The following OSBPL3 variants were observed in gnomAD, a reference collection of about 807,000 sequenced individuals.
The protein encoded by OSBPL3 is oxysterol-binding protein-related protein 3.
In OSBPL3, 65 loss-of-function variants were observed where a neutral mutation model predicts 120.1. The ratio of observed to expected loss-of-function variants is 0.54; its 90% CI spans 0.44 to 0.67. The LOEUF (loss-of-function observed/expected upper bound fraction) is 0.67. Among genes scored for constraint, OSBPL3 ranks in the 30% least tolerant of loss-of-function variants. The probability of loss-of-function intolerance (pLI) is 0.00; values close to 1 mark genes in which losing one functional copy is unlikely to be tolerated. For missense variants in OSBPL3, 1,004 were observed against 1,082.1 expected, an observed-to-expected ratio of 0.93 and a Z score of 1.01; for synonymous variants, 416 against 402.6, an observed-to-expected ratio of 1.03 and a Z score of -0.40.
At position 24,797,098 on chromosome 7, in the gene OSBPL3, T is replaced by C. The variant is rs915023416; in HGVS notation, c.*3085A>G. The C allele has an allele frequency of 2.6e-5, 4 of 152,214 alleles. No homozygotes were observed. Among genetic ancestry groups the C allele is most frequent in the African/African-American group, 4.8e-5 (2 of 41,452 alleles). 9.4% of individuals were successfully genotyped at this position (152,214 alleles called of 1,614,324 possible). The stretch of plus-strand genomic sequence containing the variant: ...GCCAGAAGGCATAACTTGTAGTGTA[T>C]GTAGTAGGGGCTACATCAAGGTTCA... On this transcript the variant is annotated 3_prime_UTR_variant, in exon 23 of 23. Transcript: ENST00000313367. This position sits in a 1 kb window ranked among gnomAD's most constrained non-coding sequence, Gnocchi z 4.8.
intron 1 of OSBPL3, among the ~76,000 whole-genome samples, chr7:24,924,863 T>C (rs1333907604): frequency 6.6e-6 from 1 of 152,200 alleles, no homozygotes. Context: ...GTCACATTTG[T>C]CCCGGCTCAG....
rs1816389572 is a variant in OSBPL3 at position 24,966,427 on chromosome 7, T to A, written c.-150+13459A>T. ...ACAAACAAGTGGGGCTTCCAGGCCC[T>A]TAATCAAGGAACAAATGATGCAGAA... is the stretch of plus-strand genomic sequence containing the variant. On this transcript the variant is annotated intron_variant, in intron 1 of 22. Coordinates refer to ENST00000313367, the MANE Select transcript of OSBPL3 (RefSeq NM_015550.4). This position sits in a 1 kb window ranked among gnomAD's most constrained non-coding sequence, Gnocchi z 4.8. Among the ~76,000 whole-genome samples, 1 of 152,148 alleles carries A rather than the reference T, an allele frequency of 6.6e-6. No homozygotes were observed. The highest frequency in any genetic ancestry group is 1.5e-5 in the Non-Finnish European group (1 of 68,024).
chr7:24,878,905 A>G (rs1803244656), intron 2 of OSBPL3, among the ~76,000 whole-genome samples: 1 of 152,216 alleles, frequency 6.6e-6, no homozygotes, highest in Non-Finnish European at 1.5e-5. Flanking sequence ...CTGCTGGACC[A>G]TAAGCCCAAC....
At position 24,902,009 on chromosome 7, in the gene OSBPL3, C is replaced by T. The variant is rs148595834; in HGVS notation, c.-149-9388G>A. On this transcript the variant is annotated intron_variant, in intron 1 of 22. Coordinates refer to ENST00000313367, the MANE Select transcript of OSBPL3 (RefSeq NM_015550.4). ...CTAAAAGCTGTGGACTCAAACTGCC[C>T]GGGTTCAAGGCCAGCCTTACTAAGT... is the stretch of plus-strand genomic sequence containing the variant. 2.8e-3 allele frequency among the ~76,000 whole-genome samples: 430 copies of T among 152,300 alleles called. 2 individuals are homozygous for T. The highest frequency in any genetic ancestry group is 0.014 in the Middle Eastern group (4 of 294).
Position 24,809,841 on chromosome 7 carries a change from G to A in OSBPL3, c.2283C>T (p.Gly761=), listed in dbSNP as rs759141653. The A allele has an allele frequency of 2.5e-5, 40 of 1,613,964 alleles. No individual in the cohort carries two copies. The highest frequency in any genetic ancestry group is 2.2e-4 in the South Asian group (20 of 91,084). ...FGKWHESIYC[G]GGSSSACVWR... ...ATACACAGGCAGAAGAGGAGCCGCC[G>A]CCACAGTAGATGCTTTCATGCCATT... The change falls in exon 20 of 23, where the codon GGC becomes GGT. Residue 761 remains glycine, a synonymous_variant. Coordinates refer to ENST00000313367, the MANE Select transcript of OSBPL3 (RefSeq NM_015550.4).
Position 24,899,974 on chromosome 7 carries a change from T to G in OSBPL3, c.-149-7353A>C, listed in dbSNP as rs1044333638. 6.6e-6 allele frequency among the ~76,000 whole-genome samples: 1 copy of G among 152,210 alleles called. No individual in the cohort carries two copies. The highest frequency in any genetic ancestry group is 1.5e-5 in the Non-Finnish European group (1 of 68,030). ...TTAGCCTGTAGCTTTCAACCTTTCT[T>G]ATTTGACTCCAAGCCAATCCTTCTA... is the stretch of plus-strand genomic sequence containing the variant. On this transcript the variant is annotated intron_variant, in intron 1 of 22. Transcript: ENST00000313367. The surrounding 1 kb of genome is among the most constrained non-coding windows in gnomAD (Gnocchi z 4.0).
chr7:24,893,539 C>T (rs555515771), intron 1 of OSBPL3, among the ~76,000 whole-genome samples: 6 of 152,284 alleles, frequency 3.9e-5, no homozygotes, highest in Non-Finnish European at 7.4e-5. Context: ...AGGCTGGGCT[C>T]AGTGGCTCAT....
rs184213704 is a variant in OSBPL3, at chr7:24,812,249, G to A, written c.2173-2298C>T. On this transcript the variant is annotated intron_variant, in intron 19 of 22. Transcript: ENST00000313367. ...TTGAACCCGGGAGGCGGAAGTTGCT[G>A]TGAGCTGAGATTGCACCACTGCACT... 1.1e-4 allele frequency among the ~76,000 whole-genome samples: 16 copies of A among 145,570 alleles called. No individual in the cohort carries two copies. In the East Asian group the frequency reaches 3.3e-3, roughly 30 times the overall value.
intron 1 of OSBPL3, among the ~76,000 whole-genome samples, chr7:24,897,547 G>A (rs1285300007): frequency 1.3e-5 from 2 of 151,686 alleles, no homozygotes; most frequent in South Asian, 2.1e-4. Context: ...GGATGGTCTC[G>A]ATCTCCTGAC....
In OSBPL3 at chr7:24,863,326, G is replaced by C; in HGVS notation, c.778-34C>G. 2 of 1,573,068 alleles carry C rather than the reference G, an allele frequency of 1.3e-6. No homozygotes were observed. The highest frequency in any genetic ancestry group is 2.7e-5 in the African/African-American group (2 of 74,244). Reference sequence around the variant, plus strand: ...CAAAACAGGAAAGAGAGCACAGACAGTAAAGTCCACCAAACCGACAAGGAT... The same window carrying C: ...CAAAACAGGAAAGAGAGCACAGACACTAAAGTCCACCAAACCGACAAGGAT... On this transcript the variant is annotated intron_variant, in intron 8 of 22. Coordinates refer to ENST00000313367, the MANE Select transcript of OSBPL3 (RefSeq NM_015550.4). The surrounding 1 kb of genome is among the most constrained non-coding windows in gnomAD (Gnocchi z 5.8).
chr7:24,942,226 C>G (rs1421779438), intron 1 of OSBPL3, among the ~76,000 whole-genome samples: 1 of 151,888 alleles, frequency 6.6e-6, no homozygotes, highest in Non-Finnish European at 1.5e-5. Flanking sequence ...GAATTTCATA[C>G]CATACGGAAT....
rs1458621497 is a variant in OSBPL3, at chr7:24,849,626, C to T, written c.1159-450G>A. Among the ~76,000 whole-genome samples the T allele has an allele frequency of 1.3e-5, 2 of 152,148 alleles. No individual in the cohort carries two copies. The highest frequency in any genetic ancestry group is 1.5e-5 in the Non-Finnish European group (1 of 68,032). ...TATGATTGGACATATTTCAATGTTA[C>T]TTAATTATCATACCCATTGAATCAG... On this transcript the variant is annotated intron_variant, in intron 11 of 22. Transcript: ENST00000313367. This position sits in a 1 kb window ranked among gnomAD's most constrained non-coding sequence, Gnocchi z 5.4.
At chr7:24,928,486 C>T (rs1009177133) in intron 1 of OSBPL3, among the ~76,000 whole-genome samples, 3 of 152,114 alleles carry the variant, frequency 2.0e-5, no homozygotes, top group Non-Finnish European at 2.9e-5. Context: ...CCACCGTGCC[C>T]GGCCACCTCT....
chr7:24,875,650 A>G (rs1183651371), intron 2 of OSBPL3, among the ~76,000 whole-genome samples: 1 of 152,148 alleles, frequency 6.6e-6, no homozygotes, highest in East Asian at 1.9e-4. Context: ...GTGTAAGGCT[A>G]CAGAGTGCTA....
At chr7:24,934,852 A>G (rs1812210011) in intron 1 of OSBPL3, among the ~76,000 whole-genome samples, 1 of 152,204 alleles carries the variant, frequency 6.6e-6, no homozygotes, top group Admixed American at 6.5e-5. Flanking sequence ...GCCAGAAATT[A>G]TAATTTTGCT....
intron 10 of OSBPL3, among the ~76,000 whole-genome samples, chr7:24,859,168 T>G (rs1562838792): frequency 1.3e-5 from 2 of 152,088 alleles, no homozygotes; most frequent in African/African-American, 4.8e-5. Context: ...ATATCCAACA[T>G]GTTTTAAATT....
rs1196387666 is a variant in OSBPL3, at chr7:24,819,506, T to C, written c.1948+669A>G. Among the ~76,000 whole-genome samples the C allele has an allele frequency of 6.6e-6, 1 of 152,186 alleles. No individual in the cohort carries two copies. Among genetic ancestry groups the C allele is most frequent in the African/African-American group, 2.4e-5 (1 of 41,456 alleles). On this transcript the variant is annotated intron_variant, in intron 17 of 22. Coordinates refer to ENST00000313367, the MANE Select transcript of OSBPL3 (RefSeq NM_015550.4). This position sits in a 1 kb window ranked among gnomAD's most constrained non-coding sequence, Gnocchi z 4.1. ...GTGGCTGGGGAAGGGGGTTACAGTA[T>C]ACTGTTTCGTACTTTTAAAGTTTAA...
chr7:24,977,467 A>G (rs548457558), intron 1 of OSBPL3, among the ~76,000 whole-genome samples: 1 of 152,220 alleles, frequency 6.6e-6, no homozygotes. Context: ...TCAGCAATTT[A>G]CTGGTGACCT....
intron 1 of OSBPL3, among the ~76,000 whole-genome samples, chr7:24,895,555 A>C (rs1806018856): frequency 1.3e-5 from 2 of 152,212 alleles, no homozygotes; most frequent in South Asian, 2.1e-4. Context: ...TAAAGAAAGA[A>C]GGCAGCTGTA....
Sources: allele counts gnomAD v4.1 joint callset (sites outside exome capture counted in the v4.1 genomes callset), GRCh38; gene constraint gnomAD v4.1.1; non-coding constraint Gnocchi (gnomAD v3.1); transcripts MANE v1.5; gene names NCBI Gene and HGNC (gene_info 2026-07-23, HGNC 2026-07-21).